Variants in ZCCHC24 observed in about 807,000 individuals in gnomAD.
The protein encoded by ZCCHC24 is zinc finger CCHC-type containing 24.
ZCCHC24 carries 10 observed loss-of-function variants against 26.2 expected under a neutral mutation model. That is an observed-to-expected ratio of 0.38 (90% CI 0.24 to 0.65). ZCCHC24 has a LOEUF of 0.65. ZCCHC24 is among the 30% of genes least tolerant of loss of function. ZCCHC24 has a pLI of 0.54. For synonymous variants in ZCCHC24, 144 were observed against 147.1 expected (o/e 0.98, Z 0.15); for missense variants, 243 against 329.1 (o/e 0.74, Z 2.03).
intron 2 of ZCCHC24, among the ~76,000 whole-genome samples, chr10:79,428,449 T>TAAATTTCAGTTTTGCAAGATAA (rs1857073394): frequency 1.9e-5 from 1 of 51,316 alleles, no homozygotes; most frequent in Non-Finnish European, 4.0e-5. Flanking sequence ...TTTTGCAAGA[T>TAAATTTCAGTTTTGCAAGATAA]AAATTTCAGT....
At chr10:79,389,678 C>T (rs1446354847) in intron 3 of ZCCHC24, among the ~76,000 whole-genome samples, 2 of 152,116 alleles carry the variant, frequency 1.3e-5, no homozygotes, top group East Asian at 3.9e-4. Context: ...TGCAGTGATG[C>T]TATCTCGGCT....
intron 2 of ZCCHC24, among the ~76,000 whole-genome samples, chr10:79,395,789 A>G (rs1204222564): frequency 1.3e-5 from 2 of 152,122 alleles, no homozygotes; most frequent in South Asian, 4.1e-4. Context: ...CATTTTATAT[A>G]TGAAAGAAAC....
chr10:79,434,420 G>C (rs947686561), intron 1 of ZCCHC24, among the ~76,000 whole-genome samples: 4 of 152,158 alleles, frequency 2.6e-5, no homozygotes, highest in African/African-American at 9.7e-5. Context: ...TGGAGCTGTG[G>C]GAGCCAATGG....
chr10:79,388,623 A>G (rs1013836730), intron 3 of ZCCHC24, among the ~76,000 whole-genome samples: 3 of 151,294 alleles, frequency 2.0e-5, no homozygotes, highest in African/African-American at 7.3e-5. Context: ...TGCAGCCCCC[A>G]CCCCCTTGAC....
chr10:79,387,509 A>C (rs988760427), intron 3 of ZCCHC24, among the ~76,000 whole-genome samples: 2 of 152,238 alleles, frequency 1.3e-5, no homozygotes, highest in Non-Finnish European at 2.9e-5. Flanking sequence ...TTTCTTGGCC[A>C]GCTCACGGGG....
At chr10:79,389,965 T>C (rs574707572) in intron 3 of ZCCHC24, among the ~76,000 whole-genome samples, 10 of 152,218 alleles carry the variant, frequency 6.6e-5, no homozygotes, top group Admixed American at 2.0e-4. Flanking sequence ...TGGAGTGCAG[T>C]GAATCCTCCC....
intron 1 of ZCCHC24, among the ~76,000 whole-genome samples, chr10:79,436,551 C>T (rs935867237): frequency 6.6e-6 from 1 of 152,236 alleles, no homozygotes; most frequent in Admixed American, 6.5e-5. Context: ...ACCAATGGAG[C>T]TCTGAAGTCG....
intron 2 of ZCCHC24, among the ~76,000 whole-genome samples, chr10:79,405,815 A>G (rs1856704375): frequency 6.6e-6 from 1 of 152,248 alleles, no homozygotes; most frequent in Admixed American, 6.5e-5. Context: ...CAAGTGCCAG[A>G]AAAGAAATCT....
At position 79,385,849 on chromosome 10, in the gene ZCCHC24, C is replaced by T. The variant is rs1332814589; in HGVS notation, c.*496G>A. The T allele has an allele frequency of 7.5e-6, 2 of 267,744 alleles. No homozygotes were observed. The highest frequency in any genetic ancestry group is 3.0e-4 in the South Asian group (2 of 6,692). 16.6% of individuals were successfully genotyped at this position (267,744 alleles called of 1,614,324 possible). A position where few individuals can be genotyped will look rare whatever the true frequency, so the allele number is the denominator to read the frequency against. On this transcript the variant is annotated 3_prime_UTR_variant, in exon 4 of 4. Coordinates refer to ENST00000372336, the MANE Select transcript of ZCCHC24 (RefSeq NM_153367.4). The surrounding 1 kb of genome is among the most constrained non-coding windows in gnomAD (Gnocchi z 4.3). ...CCAGCCGCTGTTGGAACACATGTCC[C>T]CTTGCCACGATTGCTGACTCAGGAA...
intron 1 of ZCCHC24, 123 bp downstream of exon 1, chr10:79,445,072 G>C (rs902024565): frequency 2.0e-6 from 2 of 1,022,910 alleles, no homozygotes; most frequent in Non-Finnish European, 2.5e-6. Flanking sequence ...AAGCCAAGCC[G>C]GGCCCGGCAA....
intron 2 of ZCCHC24, among the ~76,000 whole-genome samples, chr10:79,411,677 GC>G (rs1379136874): frequency 5.3e-5 from 8 of 152,180 alleles, no homozygotes; most frequent in Non-Finnish European, 1.2e-4. Context: ...GGGGACTCCA[GC>G]CCACACAGCC....
intron 2 of ZCCHC24, 92 bp from the exon 3 acceptor site, chr10:79,394,532 G>C: frequency 3.3e-6 from 5 of 1,537,208 alleles, no homozygotes; most frequent in Non-Finnish European, 4.4e-6. Flanking sequence ...CAGTCTTCAT[G>C]TCCTGTGTCC....
intron 3 of ZCCHC24, among the ~76,000 whole-genome samples, chr10:79,387,903 TC>T (rs980773363): frequency 2.6e-5 from 4 of 152,024 alleles, no homozygotes; most frequent in African/African-American, 9.7e-5. Context: ...ATAAAACCCA[TC>T]CCTGTGCTCC....
Position 79,445,486 on chromosome 10 carries a change from C to A in ZCCHC24, c.-46G>T, listed in dbSNP as rs923027089. ...CCCTCCCCGGCCGCCCGCTCGCGGCCCCCCTCCGCAGCGGAGGGGCGGGCA... is the reference window on the plus strand; with the variant it reads ...CCCTCCCCGGCCGCCCGCTCGCGGCACCCCTCCGCAGCGGAGGGGCGGGCA... On this transcript the variant is annotated 5_prime_UTR_variant, in exon 1 of 4. Transcript: ENST00000372336. 50 of 1,311,946 alleles carry A rather than the reference C, an allele frequency of 3.8e-5. No homozygotes were observed. Among genetic ancestry groups the A allele is most frequent in the Non-Finnish European group, 4.8e-5 (49 of 1,025,506 alleles). The allele number at this position is 1,311,946 out of a possible 1,614,324, so 81.3% of individuals were successfully genotyped here.
chr10:79,445,224 T>C lies in ZCCHC24; in HGVS notation c.217A>G (p.Asn73Asp). The C allele has an allele frequency of 7.5e-7, 1 of 1,329,892 alleles. No individual in the cohort carries two copies. Among genetic ancestry groups the C allele is most frequent in the Non-Finnish European group, 9.7e-7 (1 of 1,033,188 alleles). The allele number at this position is 1,329,892 out of a possible 1,614,324, so 82.4% of individuals were successfully genotyped here. A position where few individuals can be genotyped will look rare whatever the true frequency, so the allele number is the denominator to read the frequency against. ...LGSPLHSSYL[N>D]SFFQLQRGEA... ...CCGCGCTGCAGCTGGAAGAAGCTGT[T>C]GAGATAGCTGGAGTGCAGGGGCGAG... The change falls in exon 1 of 4, where the codon AAC becomes GAC. Residue 73 changes from asparagine (N) to aspartate (D), a missense_variant. Physicochemically the swap from Asn to Asp is conservative, Grantham distance 23. Coordinates refer to ENST00000372336, the MANE Select transcript of ZCCHC24 (RefSeq NM_153367.4).
intron 2 of ZCCHC24, among the ~76,000 whole-genome samples, chr10:79,396,180 CA>C (rs1856544280): frequency 6.6e-6 from 1 of 152,244 alleles, no homozygotes; most frequent in African/African-American, 2.4e-5. Flanking sequence ...CATATGTCAG[CA>C]CTTCAATCCT....
chr10:79,432,849 A>T, intron 1 of ZCCHC24, 91 bp from the exon 2 acceptor site: 2 of 1,379,512 alleles, frequency 1.4e-6, no homozygotes, highest in Non-Finnish European at 1.9e-6. Flanking sequence ...ATTCACACTG[A>T]GTCTTCAGCT....
At chr10:79,422,855 A>T (rs1025503764) in intron 2 of ZCCHC24, among the ~76,000 whole-genome samples, 3 of 152,178 alleles carry the variant, frequency 2.0e-5, no homozygotes, top group Non-Finnish European at 4.4e-5. Context: ...AATGTCTCAG[A>T]AGTGATGGAA....
In ZCCHC24 at chr10:79,383,192, A is replaced by G. The variant is rs1191581168; in HGVS notation, c.*3153T>C. ...CACATATGTATAAATACAGGACAAG[A>G]ACATATTAATAAGTCTAAACACTTG... On this transcript the variant is annotated 3_prime_UTR_variant, in exon 4 of 4. Transcript: ENST00000372336. 6.6e-6 allele frequency: 1 copy of G among 152,506 alleles called. No homozygotes were observed. The highest frequency in any genetic ancestry group is 1.5e-5 in the Non-Finnish European group (1 of 68,054). 9.4% of individuals were successfully genotyped at this position (152,506 alleles called of 1,614,324 possible).
Sources: gnomAD v4.1 joint callset for allele counts (sites outside exome capture counted in the v4.1 genomes callset) on GRCh38, gnomAD v4.1.1 for gene constraint, Gnocchi (gnomAD v3.1) non-coding constraint, MANE v1.5 for transcripts, NCBI Gene and HGNC (gene_info 2026-07-23, HGNC 2026-07-21) for gene names.